EFEMP1: variants seen among roughly 807,000 people sequenced by gnomAD.
The protein encoded by EFEMP1 is EGF-containing fibulin-like extracellular matrix protein 1.
Under a neutral mutation model 65.7 loss-of-function variants are expected in EFEMP1, and 18 were observed. The ratio of observed to expected loss-of-function variants is 0.27; its 90% CI spans 0.19 to 0.41. The LOEUF (loss-of-function observed/expected upper bound fraction) is 0.41, where lower values mean the gene tolerates loss of function less well. Among genes scored for constraint, EFEMP1 ranks in the 10% least tolerant of loss-of-function variants. The pLI is 1.00. For missense variants in EFEMP1, 469 were observed against 624.8 expected (o/e 0.75, Z 2.66); for synonymous variants, 237 against 219.7 (o/e 1.08, Z -0.70).
Position 55,866,899 on chromosome 2 carries a change from G to C in EFEMP1, c.*174C>G. On this transcript the variant is annotated 3_prime_UTR_variant, in exon 12 of 12. Coordinates refer to ENST00000355426, the MANE Select transcript of EFEMP1 (RefSeq NM_001039348.3). ...ACATATAGTAATAAAGACAAACTTTGAATCTTTACATATTAAATGCCCACT... is the reference window on the plus strand; with the variant it reads ...ACATATAGTAATAAAGACAAACTTTCAATCTTTACATATTAAATGCCCACT... The C allele has an allele frequency of 1.3e-6, 1 of 795,156 alleles. No homozygotes were observed. Among genetic ancestry groups the C allele is most frequent in the Non-Finnish European group, 2.0e-6 (1 of 509,944 alleles). 49.3% of individuals were successfully genotyped at this position (795,156 alleles called of 1,614,324 possible). A position where few individuals can be genotyped will look rare whatever the true frequency, so the allele number is the denominator to read the frequency against.
intron 3 of EFEMP1, among the ~76,000 whole-genome samples, chr2:55,920,547 C>T (rs1670877330): frequency 6.6e-6 from 1 of 152,220 alleles, no homozygotes; most frequent in Non-Finnish European, 1.5e-5. Flanking sequence ...GCCCATTCTT[C>T]TGAAAAGTAT....
Position 55,885,751 on chromosome 2 carries a change from A to G in EFEMP1, c.518-4017T>C, listed in dbSNP as rs537020946. 6.6e-6 allele frequency among the ~76,000 whole-genome samples: 1 copy of G among 152,148 alleles called. No individual in the cohort carries two copies. The highest frequency in any genetic ancestry group is 1.9e-4 in the East Asian group (1 of 5,176). On this transcript the variant is annotated intron_variant, in intron 5 of 11. Coordinates refer to ENST00000355426, the MANE Select transcript of EFEMP1 (RefSeq NM_001039348.3). The surrounding 1 kb of genome is among the most constrained non-coding windows in gnomAD (Gnocchi z 4.3). ...TCACACCGACCCCCACGTCTAGGGA[A>G]CCGCACATTTGATTTTCTCTCAAAG...
chr2:55,867,201 C>T lies in EFEMP1; in HGVS notation c.1354G>A (p.Val452Met), dbSNP rs139171666. The T allele has an allele frequency of 1.5e-5, 24 of 1,613,876 alleles. No homozygotes were observed. The highest frequency in any genetic ancestry group is 1.1e-4 in the African/African-American group (8 of 75,018). Residue 452 changes from valine to methionine, a missense_variant, in exon 12 of 12, where the codon GTG (valine) becomes ATG (methionine). This residue lies in a region of EFEMP1 where 399 missense variants were observed against 528.2 expected (regional missense o/e 0.76). Transcript: ENST00000355426. The surrounding 1 kb of genome is among the most constrained non-coding windows in gnomAD (Gnocchi z 4.3). ...TCTCTTGGTCCTGATAATGACTTCA[C>T]GAGCACAAGCATTGCACTTACAGGA... ...TSPVSAMLVLVKSLSGPREHI... is the reference protein window; with the variant it reads ...TSPVSAMLVLMKSLSGPREHI...
At chr2:55,898,499 G>A (rs1030055582) in intron 5 of EFEMP1, among the ~76,000 whole-genome samples, 1 of 152,024 alleles carries the variant, frequency 6.6e-6, no homozygotes, top group Non-Finnish European at 1.5e-5. Context: ...GAAAGTTAAT[G>A]CAATTCTTTC....
chr2:55,872,118 ATGTC>A (rs1668832739), intron 9 of EFEMP1, among the ~76,000 whole-genome samples: 1 of 152,142 alleles, frequency 6.6e-6, no homozygotes, highest in Non-Finnish European at 1.5e-5. Context: ...CTACATCTCT[ATGTC>A]TGTCTCCCTT....
rs1383972832 is a variant in EFEMP1 at position 55,880,898 on chromosome 2, A to G, written c.640+714T>C. On this transcript the variant is annotated intron_variant, in intron 6 of 11. Transcript: ENST00000355426. ...TTCAGGGACTGGGGAGACCACAGTG[A>G]CACAAGATGACCTGGTCTTGCTGTC... Among the ~76,000 whole-genome samples the G allele has an allele frequency of 2.0e-5, 3 of 152,222 alleles. No individual in the cohort carries two copies. The East Asian group carries it at 5.8e-4, about 29-fold the overall frequency.
At position 55,877,903 on chromosome 2, in the gene EFEMP1, A is replaced by AT. The variant is rs760005408; in HGVS notation, c.641-39dup. On this transcript the variant is annotated intron_variant, in intron 6 of 11. Coordinates refer to ENST00000355426, the MANE Select transcript of EFEMP1 (RefSeq NM_001039348.3). This position sits in a 1 kb window ranked among gnomAD's most constrained non-coding sequence, Gnocchi z 4.5. ...GCACACACACAAAGAGAACCAAATT[A>AT]TTGAATTAGCATTCTCTGAAAAGCA... 11 of 1,610,358 alleles carry AT rather than the reference A, an allele frequency of 6.8e-6. No individual in the cohort carries two copies. In the South Asian group the frequency reaches 1.2e-4, roughly 18 times the overall value.
chr2:55,906,413 G>A (rs550285823), intron 5 of EFEMP1, among the ~76,000 whole-genome samples: 14 of 150,400 alleles, frequency 9.3e-5, no homozygotes, highest in Non-Finnish European at 1.5e-4. Flanking sequence ...TAGTAGGGAC[G>A]GGGTTTCACC....
chr2:55,869,844 T>A (rs554034103), intron 11 of EFEMP1, among the ~76,000 whole-genome samples: 7 of 152,152 alleles, frequency 4.6e-5, no homozygotes, highest in Non-Finnish European at 7.3e-5. Flanking sequence ...GTGAGCCGTA[T>A]TTAAAATATG....
intron 5 of EFEMP1, among the ~76,000 whole-genome samples, chr2:55,906,184 G>A (rs1670262481): frequency 6.6e-6 from 1 of 151,330 alleles, no homozygotes; most frequent in African/African-American, 2.4e-5. Context: ...CTGAAGGAGG[G>A]AGGTCATATG....
At chr2:55,888,324 C>A (rs1572809247) in intron 5 of EFEMP1, among the ~76,000 whole-genome samples, 1 of 145,884 alleles carries the variant, frequency 6.9e-6, no homozygotes, top group African/African-American at 2.5e-5. Context: ...CTTTTTTTTT[C>A]CTTCTTAAAC....
At position 55,921,014 on chromosome 2, in the gene EFEMP1, C is replaced by A. The variant is rs1469210869; in HGVS notation, c.81+1346G>T. On this transcript the variant is annotated intron_variant, in intron 3 of 11. Coordinates refer to ENST00000355426, the MANE Select transcript of EFEMP1 (RefSeq NM_001039348.3). This position sits in a 1 kb window ranked among gnomAD's most constrained non-coding sequence, Gnocchi z 4.1. The stretch of plus-strand genomic sequence containing the variant: ...TCATGTTTAAGCCACAGGGAACCTT[C>A]TCTGGTAAAAATGAGGAAGATTTAG... Among the ~76,000 whole-genome samples the A allele has an allele frequency of 6.6e-6, 1 of 152,118 alleles. No homozygotes were observed. Among genetic ancestry groups the A allele is most frequent in the Non-Finnish European group, 1.5e-5 (1 of 68,040 alleles).
chr2:55,867,360 A>T lies in EFEMP1; in HGVS notation c.1321-126T>A. On this transcript the variant is annotated intron_variant, in intron 11 of 11. Coordinates refer to ENST00000355426, the MANE Select transcript of EFEMP1 (RefSeq NM_001039348.3). This position sits in a 1 kb window ranked among gnomAD's most constrained non-coding sequence, Gnocchi z 4.3. ...TTGAAGGTGGTATAAAAGAGCCACTACTTGGTCCCTTCTTGGTTTCAACTC... is the reference window on the plus strand; with the variant it reads ...TTGAAGGTGGTATAAAAGAGCCACTTCTTGGTCCCTTCTTGGTTTCAACTC... The T allele has an allele frequency of 9.9e-7, 1 of 1,013,646 alleles. No homozygotes were observed. Among genetic ancestry groups the T allele is most frequent in the Non-Finnish European group, 1.4e-6 (1 of 695,018 alleles). The allele number at this position is 1,013,646 out of a possible 1,614,324, so 62.8% of individuals were successfully genotyped here.
At position 55,871,275 on chromosome 2, in the gene EFEMP1, A is replaced by G; in HGVS notation, c.1001-152T>C. 1 of 1,006,460 alleles carries G rather than the reference A, an allele frequency of 9.9e-7. No individual in the cohort carries two copies. The highest frequency in any genetic ancestry group is 1.5e-6 in the Non-Finnish European group (1 of 664,438). The allele number at this position is 1,006,460 out of a possible 1,614,324, so 62.3% of individuals were successfully genotyped here. A position where few individuals can be genotyped will look rare whatever the true frequency, so the allele number is the denominator to read the frequency against. On this transcript the variant is annotated intron_variant, in intron 9 of 11. Coordinates refer to ENST00000355426, the MANE Select transcript of EFEMP1 (RefSeq NM_001039348.3). This position sits in a 1 kb window ranked among gnomAD's most constrained non-coding sequence, Gnocchi z 4.2. ...CTTTTAGACACAAGACTGGGTGTTC[A>G]TTGTATTGAATTCAGGACAGACAGA...
chr2:55,922,338 T>A lies in EFEMP1; in HGVS notation c.81+22A>T. 4 of 1,611,512 alleles carry A rather than the reference T, an allele frequency of 2.5e-6. No homozygotes were observed. Among genetic ancestry groups the A allele is most frequent in the Non-Finnish European group, 3.4e-6 (4 of 1,177,726 alleles). On this transcript the variant is annotated intron_variant, in intron 3 of 11. Coordinates refer to ENST00000355426, the MANE Select transcript of EFEMP1 (RefSeq NM_001039348.3). The surrounding 1 kb of genome is among the most constrained non-coding windows in gnomAD (Gnocchi z 5.5). The stretch of plus-strand genomic sequence containing the variant: ...CAGAATCCCGCTGAACCGTACTTAT[T>A]TCAAATTCCATCACCCCTTACCGTG...
chr2:55,868,199 C>T (rs752404904), intron 11 of EFEMP1, among the ~76,000 whole-genome samples: 2 of 152,108 alleles, frequency 1.3e-5, no homozygotes, highest in Non-Finnish European at 2.9e-5. Flanking sequence ...CTCTTGTAAA[C>T]AATAGTTGTA....
intron 8 of EFEMP1, 84 bp from the exon 9 acceptor site, chr2:55,875,149 A>AT: frequency 2.1e-6 from 1 of 476,844 alleles, no homozygotes; most frequent in Non-Finnish European, 3.0e-6. Context: ...TATAAATTAT[A>AT]TATATATATA....
At position 55,922,798 on chromosome 2, in the gene EFEMP1, G is replaced by A; in HGVS notation, c.-8+101C>T. On this transcript the variant is annotated intron_variant, in intron 2 of 11. Coordinates refer to ENST00000355426, the MANE Select transcript of EFEMP1 (RefSeq NM_001039348.3). The surrounding 1 kb of genome is among the most constrained non-coding windows in gnomAD (Gnocchi z 5.5). Reference sequence around the variant, plus strand: ...AAAAACAGTAATCCATTTCAAAGGGGACGGTGCATTTCCTGCCCCCCAGTC... The same window carrying A: ...AAAAACAGTAATCCATTTCAAAGGGAACGGTGCATTTCCTGCCCCCCAGTC... 1 of 897,566 alleles carries A rather than the reference G, an allele frequency of 1.1e-6. No individual in the cohort carries two copies. The highest frequency in any genetic ancestry group is 1.8e-5 in the South Asian group (1 of 55,192). 55.6% of individuals were successfully genotyped at this position (897,566 alleles called of 1,614,324 possible). A position where few individuals can be genotyped will look rare whatever the true frequency, so the allele number is the denominator to read the frequency against.
chr2:55,877,780 C>T lies in EFEMP1; in HGVS notation c.726G>A (p.Gly242=). 1 of 1,613,226 alleles carries T rather than the reference C, an allele frequency of 6.2e-7. No homozygotes were observed. Among genetic ancestry groups the T allele is most frequent in the Non-Finnish European group, 8.5e-7 (1 of 1,179,364 alleles). The change falls in exon 7 of 12, where the codon GGG becomes GGA. Residue 242 remains glycine (G), a synonymous_variant. Transcript: ENST00000355426. This position sits in a 1 kb window ranked among gnomAD's most constrained non-coding sequence, Gnocchi z 4.5. The part of the protein sequence containing the change: ...PGSFYCQCSP[G]FQLAANNYTC... Reference sequence around the variant, plus strand: ...TATAGTTGTTTGCTGCCAATTGAAACCCAGGACTGCACTGGCAATAAAATG... The same window carrying T: ...TATAGTTGTTTGCTGCCAATTGAAATCCAGGACTGCACTGGCAATAAAATG...
Sources: allele counts gnomAD v4.1 joint callset (sites outside exome capture counted in the v4.1 genomes callset), GRCh38; gene constraint gnomAD v4.1.1; regional missense constraint gnomAD v4.1.1; non-coding constraint Gnocchi (gnomAD v3.1); transcripts MANE v1.5; gene names NCBI Gene and HGNC (gene_info 2026-07-23, HGNC 2026-07-21).